MYOM2: variants seen among roughly 807,000 people sequenced by gnomAD.
MYOM2 encodes the protein myomesin 2, also known as myomesin-2.
Under a neutral mutation model 187.6 loss-of-function variants are expected in MYOM2, and 254 were observed. The ratio of observed to expected loss-of-function variants is 1.35; its 90% CI spans 1.22 to 1.50. MYOM2 has a LOEUF of 1.50. MYOM2 is among the 40% of genes most tolerant of loss of function. The pLI is 0.00. For missense variants in MYOM2, 2,796 were observed against 1,924.0 expected (o/e 1.45, Z -8.48); for synonymous variants, 981 against 753.8 (o/e 1.30, Z -4.94).
At chr8:2,102,254 A>T (rs1796734801) in intron 20 of MYOM2, 1 of 158,998 alleles carries the variant, frequency 6.3e-6, no homozygotes, top group Admixed American at 6.1e-5. Context: ...TTTAATAAGA[A>T]TAACCCATGT....
At chr8:2,120,680 T>TATAATATATATATATAATATATATATAA in intron 28 of MYOM2, among the ~76,000 whole-genome samples, 1 of 48,298 alleles carries the variant, frequency 2.1e-5, no homozygotes. Flanking sequence ...ATATATTATA[T>TATAATATATATATATAATATATATATAA]TATATATAAA....
At chr8:2,060,619 A>G (rs1230175707) in intron 6 of MYOM2, among the ~76,000 whole-genome samples, 2 of 152,212 alleles carry the variant, frequency 1.3e-5, no homozygotes, top group Non-Finnish European at 2.9e-5. Flanking sequence ...TCTGTTCTTC[A>G]GAGGAAAAGG....
At chr8:2,130,103 T>C (rs1797803822) in intron 32 of MYOM2, among the ~76,000 whole-genome samples, 1 of 151,542 alleles carries the variant, frequency 6.6e-6, no homozygotes, top group Admixed American at 6.6e-5. Flanking sequence ...ACACCCCGCC[T>C]TTAGTTAACG....
chr8:2,131,967 A>G (rs74304064), intron 32 of MYOM2, among the ~76,000 whole-genome samples: 21,100 of 152,074 alleles, frequency 0.14, 2,549 homozygotes, highest in African/African-American at 0.31. Context: ...TAACACCTTT[A>G]TAACTAAACT....
intron 8 of MYOM2, among the ~76,000 whole-genome samples, chr8:2,072,014 G>C (rs1333255375): frequency 6.6e-6 from 1 of 152,212 alleles, no homozygotes; most frequent in Non-Finnish European, 1.5e-5. Context: ...GGAATTCTGG[G>C]GGGACACAGA....
chr8:2,086,350 C>CTGGCACTCCACTGTCATGATCTT (rs1796049536), intron 14 of MYOM2, among the ~76,000 whole-genome samples: 1 of 57,860 alleles, frequency 1.7e-5, no homozygotes, highest in African/African-American at 8.1e-5. Context: ...GTTGTGATCT[C>CTGGCACTCCACTGTCATGATCTT]TGCGTGGCCT....
chr8:2,069,210 G>T, intron 6 of MYOM2, 68 bp from the exon 7 acceptor site: 1 of 1,465,070 alleles, frequency 6.8e-7, no homozygotes, highest in Non-Finnish European at 9.4e-7. Context: ...GAATGCTTTT[G>T]TGCAATTCGG....
chr8:2,100,011 CCTTT>C (rs1439500206), intron 19 of MYOM2, among the ~76,000 whole-genome samples: 6 of 65,398 alleles, frequency 9.2e-5, no homozygotes, highest in Non-Finnish European at 2.0e-4. Flanking sequence ...TTCCTTCCTT[CCTTT>C]CTTTCCTTCC....
intron 18 of MYOM2, among the ~76,000 whole-genome samples, chr8:2,097,380 T>C (rs1796530660): frequency 6.6e-6 from 1 of 152,218 alleles, no homozygotes; most frequent in Non-Finnish European, 1.5e-5. Context: ...ATAATAATTG[T>C]ACGTATGGGG....
At chr8:2,142,506 C>G in intron 35 of MYOM2, 109 bp downstream of exon 35, 1 of 1,114,990 alleles carries the variant, frequency 9.0e-7, no homozygotes, top group Non-Finnish European at 1.4e-6. Flanking sequence ...CCAGCAATCC[C>G]CCACCCTGAT....
chr8:2,129,141 C>G lies in MYOM2; in HGVS notation c.3709C>G (p.Pro1237Ala). The change falls in exon 32 of 37, where the codon CCA becomes GCA. Residue 1237 changes from proline (P) to alanine (A), a missense_variant. Physicochemically the swap from Pro to Ala is conservative, Grantham distance 27. Transcript: ENST00000262113. ...ATTTTCTGCAGGGAAATCTGCTTCG[C>G]CACTGAAGGTACTCTGCACCCCAGA... Reference protein sequence around the residue: ...MSRVCGKSASPLKVLCTPEGI... With the variant: ...MSRVCGKSASALKVLCTPEGI... The G allele has an allele frequency of 6.2e-7, 1 of 1,605,446 alleles. No individual in the cohort carries two copies. The highest frequency in any genetic ancestry group is 1.3e-5 in the African/African-American group (1 of 74,928).
rs760392633 is a variant in MYOM2 at position 2,057,472 on chromosome 8, G to C, written c.388G>C (p.Ala130Pro). The C allele has an allele frequency of 1.2e-6, 2 of 1,613,916 alleles. No individual in the cohort carries two copies. Among genetic ancestry groups the C allele is most frequent in the African/African-American group, 1.3e-5 (1 of 74,932 alleles). ...GGCCCGCGACAAGCTGGACAAATAC[G>C]CCATTCAGCAGATGGTAGGAGGGTC... ...SQARDKLDKYAIQQMMEDKLA... is the reference protein window; with the variant it reads ...SQARDKLDKYPIQQMMEDKLA... The change falls in exon 4 of 37, where the codon GCC (alanine) becomes CCC (proline). Residue 130 changes from alanine (A) to proline (P), a missense_variant. Transcript: ENST00000262113.
intron 23 of MYOM2, among the ~76,000 whole-genome samples, chr8:2,107,537 GTATCCA>G (rs1796934747): frequency 6.6e-6 from 1 of 152,118 alleles, no homozygotes; most frequent in Non-Finnish European, 1.5e-5. Flanking sequence ...GGATGGGCAG[GTATCCA>G]CGGAGGGGGA....
At chr8:2,047,156 C>G (rs1031826864) in intron 1 of MYOM2, among the ~76,000 whole-genome samples, 1 of 152,168 alleles carries the variant, frequency 6.6e-6, no homozygotes, top group Non-Finnish European at 1.5e-5. Context: ...CTGTAGGGTG[C>G]ATTTGGCAAG....
intron 21 of MYOM2, among the ~76,000 whole-genome samples, chr8:2,104,369 G>A (rs111846178): frequency 0.14 from 21,814 of 152,092 alleles, 1,902 homozygotes; most frequent in East Asian, 0.27. Context: ...TTGGGAAGCC[G>A]AGGCGGGCGG....
At chr8:2,099,507 T>C (rs182908725) in intron 19 of MYOM2, among the ~76,000 whole-genome samples, 2 of 152,216 alleles carry the variant, frequency 1.3e-5, no homozygotes, top group East Asian at 3.9e-4. Flanking sequence ...TGCTGTCCTC[T>C]CAGGCCATCT....
At chr8:2,129,655 G>A (rs749376786) in intron 32 of MYOM2, among the ~76,000 whole-genome samples, 1 of 152,096 alleles carries the variant, frequency 6.6e-6, no homozygotes, top group African/African-American at 2.4e-5. Context: ...ATTAAAAACA[G>A]AAGAAAACAA....
At position 2,092,419 on chromosome 8, in the gene MYOM2, A is replaced by G; in HGVS notation, c.1902A>G (p.Arg634=). The G allele has an allele frequency of 6.2e-7, 1 of 1,614,142 alleles. No homozygotes were observed. ...CGTCGGTGGTGGTGCAGTGGGACCG[A>G]CCTAAGCATGAGGAGGACCTGCTGG... ...TKTSVVVQWD[R]PKHEEDLLGY... The change falls in exon 16 of 37, where the codon CGA becomes CGG. Residue 634 remains arginine (R), a synonymous_variant. Coordinates refer to ENST00000262113, the MANE Select transcript of MYOM2 (RefSeq NM_003970.4).
chr8:2,134,449 T>C (rs1394026690), intron 32 of MYOM2, among the ~76,000 whole-genome samples: 2 of 152,220 alleles, frequency 1.3e-5, no homozygotes, highest in Non-Finnish European at 2.9e-5. Context: ...GGGAACGTTA[T>C]TATTTTTCTC....
Sources: allele counts gnomAD v4.1 joint callset (sites outside exome capture counted in the v4.1 genomes callset), GRCh38; gene constraint gnomAD v4.1.1; transcripts MANE v1.5; gene names NCBI Gene and HGNC (gene_info 2026-07-23, HGNC 2026-07-21).